Variants in XCR1 observed in about 807,000 individuals in gnomAD.
The protein encoded by XCR1 is chemokine XC receptor 1.
For synonymous variants in XCR1, 187 were observed against 188.5 expected, an observed-to-expected ratio of 0.99 and a Z score of 0.06; for missense variants, 356 against 424.2, an observed-to-expected ratio of 0.84 and a Z score of 1.41.
intron 1 of XCR1, among the ~76,000 whole-genome samples, chr3:46,025,100 T>A (rs559577757): frequency 2.0e-4 from 30 of 152,194 alleles, no homozygotes; most frequent in Admixed American, 6.5e-4. Flanking sequence ...GTCTAAAATC[T>A]AAGACTTAAA....
intron 5 of XCR1, among the ~76,000 whole-genome samples, chr3:46,043,123 C>G (rs1374579688): frequency 6.6e-6 from 1 of 152,144 alleles, no homozygotes; most frequent in Admixed American, 6.6e-5. Flanking sequence ...ATTAAATACC[C>G]TTTCATGATA....
intron 1 of XCR1, among the ~76,000 whole-genome samples, chr3:46,080,947 T>C (rs1292933468): frequency 6.6e-6 from 1 of 152,222 alleles, no homozygotes; most frequent in Non-Finnish European, 1.5e-5. Context: ...CTTTGATATA[T>C]GGCAATTGGA....
chr3:46,057,937 C>T (rs199705073), intron 4 of XCR1, among the ~76,000 whole-genome samples: 5,885 of 73,536 alleles, frequency 0.08, 179 homozygotes, highest in African/African-American at 0.26. Flanking sequence ...TCTATCTACG[C>T]ATCCATCTAT....
chr3:46,050,617 A>G (rs1396794708), intron 5 of XCR1, among the ~76,000 whole-genome samples: 1 of 152,188 alleles, frequency 6.6e-6, no homozygotes, highest in African/African-American at 2.4e-5. Flanking sequence ...GGCTCCTTTA[A>G]TGCTCCTCCC....
At chr3:46,078,800 A>ACTGGAGACTTTGCAGAGTTTGCAGAGTCT (rs1698305796) in intron 1 of XCR1, among the ~76,000 whole-genome samples, 3 of 151,952 alleles carry the variant, frequency 2.0e-5, no homozygotes, top group South Asian at 4.1e-4. Flanking sequence ...GCTCTAGGTG[A>ACTGGAGACTTTGCAGAGTTTGCAGAGTCT]CTGGAGACTT....
chr3:46,082,630 A>G (rs1184357056), intron 1 of XCR1, among the ~76,000 whole-genome samples: 1 of 151,030 alleles, frequency 6.6e-6, no homozygotes, highest in African/African-American at 2.4e-5. Context: ...AGCTGGGGCA[A>G]CAGAAGTGCA....
intron 5 of XCR1, among the ~76,000 whole-genome samples, chr3:46,053,165 A>G (rs904842453): frequency 1.3e-5 from 2 of 151,136 alleles, no homozygotes; most frequent in Non-Finnish European, 2.9e-5. Flanking sequence ...TAGAAGACAC[A>G]TAGCACCAAA....
At chr3:46,028,105 G>A (rs939561228), upstream of XCR1, among the ~76,000 whole-genome samples, 1 of 152,028 alleles carries the variant, frequency 6.6e-6, no homozygotes, top group Non-Finnish European at 1.5e-5. Context: ...ACCCTCTTTT[G>A]GGTCCCCTCT....
chr3:46,071,460 C>T (rs1434849975), intron 3 of XCR1, among the ~76,000 whole-genome samples: 2 of 152,068 alleles, frequency 1.3e-5, no homozygotes, highest in Non-Finnish European at 2.9e-5. Context: ...CTGACTCATT[C>T]CACAAAGCCA....
At chr3:46,029,502 G>C (rs1708361129), upstream of XCR1, among the ~76,000 whole-genome samples, 1 of 152,116 alleles carries the variant, frequency 6.6e-6, no homozygotes. Context: ...CAAAAATCAA[G>C]ACCATTTACA....
chr3:46,024,480 C>T (rs1559480409), intron 1 of XCR1, among the ~76,000 whole-genome samples: 1 of 152,118 alleles, frequency 6.6e-6, no homozygotes, highest in Non-Finnish European at 1.5e-5. Context: ...AGTTATTTTT[C>T]TTATCTTCAG....
intron 5 of XCR1, among the ~76,000 whole-genome samples, chr3:46,046,659 C>G (rs1227891873): frequency 6.6e-6 from 1 of 152,114 alleles, no homozygotes; most frequent in Non-Finnish European, 1.5e-5. Flanking sequence ...GATTGGCAGT[C>G]CATCTGAGTT....
intron 1 of XCR1, among the ~76,000 whole-genome samples, chr3:46,078,728 G>GC (rs1296813028): frequency 6.6e-6 from 1 of 152,206 alleles, no homozygotes; most frequent in Admixed American, 6.5e-5. Flanking sequence ...ACTGAAAAGT[G>GC]CATGAGAGTG....
At chr3:46,023,254 T>A in intron 1 of XCR1, 1 of 650,120 alleles carries the variant, frequency 1.5e-6, no homozygotes, top group East Asian at 2.7e-5. Context: ...CCCTCCATGT[T>A]CCCTGGCCCC....
chr3:46,027,531 T>A (rs2125894879), upstream of XCR1: 1 of 151,846 alleles, frequency 6.6e-6, no homozygotes, highest in South Asian at 2.1e-4. Flanking sequence ...AGGAGGAGGA[T>A]GGGAGGAGTC....
chr3:46,030,058 G>GT (rs1240998270), upstream of XCR1, among the ~76,000 whole-genome samples: 2 of 116,714 alleles, frequency 1.7e-5, no homozygotes, highest in African/African-American at 2.8e-5. Flanking sequence ...TTTTGTTTTT[G>GT]TTTTTTTGGT....
intron 1 of XCR1, among the ~76,000 whole-genome samples, chr3:46,085,350 A>G (rs1411636152): frequency 6.6e-6 from 1 of 152,242 alleles, no homozygotes; most frequent in Non-Finnish European, 1.5e-5. Flanking sequence ...GGCCAAAGTC[A>G]TGCAGCCAGG....
rs1014419727 is a variant in XCR1 at position 46,023,925 on chromosome 3, A to G, written c.-31-1947T>C. The stretch of plus-strand genomic sequence containing the variant: ...GGCCAGACTTCTAAAAAGGTCCAGT[A>G]GAAAAGGAGCTGGATGTAGATGCTG... On this transcript the variant is annotated intron_variant, in intron 1 of 1. Coordinates refer to ENST00000309285, the MANE Select transcript of XCR1 (RefSeq NM_001024644.2). 3 of 1,493,502 alleles carry G rather than the reference A, an allele frequency of 2.0e-6. No homozygotes were observed. In the African/African-American group the frequency reaches 4.2e-5, roughly 21 times the overall value. 92.5% of individuals were successfully genotyped at this position (1,493,502 alleles called of 1,614,324 possible). A position where few individuals can be genotyped will look rare whatever the true frequency, so the allele number is the denominator to read the frequency against.
At chr3:46,027,955 A>G (rs2125894978), upstream of XCR1, among the ~76,000 whole-genome samples, 1 of 152,196 alleles carries the variant, frequency 6.6e-6, no homozygotes, top group Middle Eastern at 3.4e-3. Flanking sequence ...CCAAGCTTTC[A>G]CTTCAGCCCC....
Sources: gnomAD v4.1 joint callset for allele counts (sites outside exome capture counted in the v4.1 genomes callset) on GRCh38, gnomAD v4.1.1 for gene constraint, MANE v1.5 for transcripts, NCBI Gene and HGNC (gene_info 2026-07-23, HGNC 2026-07-21) for gene names.